The following SWAP70 variants were observed in gnomAD, a reference collection of about 807,000 sequenced individuals.
SWAP70 encodes switch-associated protein 70.
A neutral mutation model predicts 80.2 loss-of-function variants in SWAP70; 34 were observed. The observed-to-expected ratio is 0.42, with a 90% CI of 0.32 to 0.56. The LOEUF (loss-of-function observed/expected upper bound fraction) is 0.56. Ranked by LOEUF, SWAP70 falls within the 20% of genes least tolerant of loss-of-function variation. SWAP70 has a pLI of 0.09. For synonymous variants in SWAP70, 239 were observed against 238.5 expected, an observed-to-expected ratio of 1.00 and a Z score of -0.02; for missense variants, 578 against 690.7, an observed-to-expected ratio of 0.84 and a Z score of 1.83.
At chr11:9,694,083 C>T in intron 1 of SWAP70, 63 bp from the exon 2 acceptor site, 1 of 1,483,764 alleles carries the variant, frequency 6.7e-7, no homozygotes, top group Non-Finnish European at 9.0e-7. Flanking sequence ...ATGTTGTACT[C>T]ATGGTGAAGG....
intron 2 of SWAP70, among the ~76,000 whole-genome samples, chr11:9,697,659 C>T (rs1272472155): frequency 6.6e-6 from 1 of 152,188 alleles, no homozygotes; most frequent in Non-Finnish European, 1.5e-5. Context: ...CAATGTTCAT[C>T]TGTGTGATAA....
intron 1 of SWAP70, among the ~76,000 whole-genome samples, chr11:9,685,809 T>G (rs1850624228): frequency 6.6e-6 from 1 of 152,046 alleles, no homozygotes; most frequent in Admixed American, 6.5e-5. Context: ...AATTTTTGTA[T>G]TTTTAGTAGA....
intron 9 of SWAP70, 139 bp from the exon 10 acceptor site, chr11:9,747,719 C>T (rs1851529881): frequency 1.3e-6 from 1 of 788,472 alleles, no homozygotes; most frequent in Non-Finnish European, 2.1e-6. Context: ...GCTTCTCTGG[C>T]TCCTGCTTTC....
rs144742456 is a variant in SWAP70, at chr11:9,673,717, A to G, written c.99+9439A>G. 1.2e-3 allele frequency among the ~76,000 whole-genome samples: 177 copies of G among 152,292 alleles called. 4 individuals carry two copies. The East Asian group carries it at 0.028, about 24-fold the overall frequency. ...TGAAGGTCTTGTGGCCTTCAATTAG[A>G]CAAGGAAGGTCAGAGAATTTCTTTA... On this transcript the variant is annotated intron_variant, in intron 1 of 11. Transcript: ENST00000318950.
chr11:9,711,973 G>T (rs1407552870), intron 2 of SWAP70, among the ~76,000 whole-genome samples: 1 of 152,070 alleles, frequency 6.6e-6, no homozygotes, highest in Non-Finnish European at 1.5e-5. Flanking sequence ...CCTCCACTTC[G>T]GGGCTTTCTC....
At chr11:9,730,602 G>C (rs1020473418) in intron 6 of SWAP70, among the ~76,000 whole-genome samples, 1 of 152,134 alleles carries the variant, frequency 6.6e-6, no homozygotes, top group African/African-American at 2.4e-5. Flanking sequence ...TTTAAGGACT[G>C]TGAAGAATTT....
Position 9,724,902 on chromosome 11 carries a change from TG to T in SWAP70, c.642+18del. 6.8e-7 allele frequency: 1 copy of T among 1,481,118 alleles called. No individual in the cohort carries two copies. The allele number at this position is 1,481,118 out of a possible 1,614,324, so 91.7% of individuals were successfully genotyped here. On this transcript the variant is annotated intron_variant, in intron 4 of 11. Transcript: ENST00000318950. ...TTAAAGCAGGTAAGAATTCTGTTAC[TG>T]TTTTTTTTTCTCATCTTTAGAATTT...
At chr11:9,703,449 G>A in intron 2 of SWAP70, 1 of 456,194 alleles carries the variant, frequency 2.2e-6, no homozygotes, top group Non-Finnish European at 4.4e-6. Flanking sequence ...TTCCTGTGCT[G>A]TAAGGCCAAC....
chr11:9,721,427 TC>T lies in SWAP70; in HGVS notation c.415-3230del, dbSNP rs1466630199. On this transcript the variant is annotated intron_variant, in intron 3 of 11. Coordinates refer to ENST00000318950, the MANE Select transcript of SWAP70 (RefSeq NM_015055.4). ...TCCTAAAAGAGCTTATAGCATCTCATCAAATTAAATCAATAGACCTTTTAAT... is the reference window on the plus strand; with the variant it reads ...TCCTAAAAGAGCTTATAGCATCTCATAAATTAAATCAATAGACCTTTTAAT... Among the ~76,000 whole-genome samples, 19 of 151,918 alleles carry T rather than the reference TC, an allele frequency of 1.3e-4. No homozygotes were observed. In the Middle Eastern group the frequency reaches 0.01, roughly 82 times the overall value.
chr11:9,711,903 C>T (rs1486662028), intron 2 of SWAP70, among the ~76,000 whole-genome samples: 1 of 152,198 alleles, frequency 6.6e-6, no homozygotes, highest in African/African-American at 2.4e-5. Flanking sequence ...TACCACCCTC[C>T]AGCACCAGGT....
At chr11:9,713,260 A>G (rs972685662) in intron 2 of SWAP70, among the ~76,000 whole-genome samples, 2 of 152,206 alleles carry the variant, frequency 1.3e-5, no homozygotes, top group African/African-American at 4.8e-5. Context: ...ATATGGACAG[A>G]TGTTGGTTCA....
intron 2 of SWAP70, among the ~76,000 whole-genome samples, chr11:9,696,944 G>A (rs997360469): frequency 5.9e-5 from 9 of 152,076 alleles, no homozygotes; most frequent in Non-Finnish European, 1.3e-4. Flanking sequence ...GGGCATGGTG[G>A]CTTATATCTG....
At chr11:9,680,650 A>C (rs1427626045) in intron 1 of SWAP70, among the ~76,000 whole-genome samples, 1 of 152,126 alleles carries the variant, frequency 6.6e-6, no homozygotes, top group East Asian at 1.9e-4. Context: ...TCCTGACCTC[A>C]GGTGATCCAC....
intron 7 of SWAP70, among the ~76,000 whole-genome samples, chr11:9,733,416 T>G (rs1851325247): frequency 6.6e-6 from 1 of 152,158 alleles, no homozygotes; most frequent in Non-Finnish European, 1.5e-5. Context: ...CTCTGGGATA[T>G]GGGGGTGGCT....
chr11:9,731,079 C>T (rs1851292514), intron 6 of SWAP70, among the ~76,000 whole-genome samples: 1 of 152,182 alleles, frequency 6.6e-6, no homozygotes, highest in African/African-American at 2.4e-5. Context: ...TGGCCTCTAG[C>T]TGCATCCATG....
chr11:9,738,349 C>T, intron 8 of SWAP70, 29 bp downstream of exon 8: 1 of 1,533,854 alleles, frequency 6.5e-7, no homozygotes, highest in African/African-American at 1.4e-5. Context: ...GAGAAAGCAG[C>T]TGCAGTAGCT....
At chr11:9,710,819 A>G (rs533310573) in intron 2 of SWAP70, among the ~76,000 whole-genome samples, 8 of 151,852 alleles carry the variant, frequency 5.3e-5, no homozygotes, top group African/African-American at 1.9e-4. Flanking sequence ...AGCTGGGACC[A>G]CAGGCATGCA....
chr11:9,738,165 TTCTAC>T lies in SWAP70; in HGVS notation c.1081-43_1081-39del, dbSNP rs780287131. ...GACTGTCTCTCTCTCTTTAATGTACTTCTACTCTAACACCTGCTTTTCTGTGGATG... is the reference window on the plus strand; with the variant it reads ...GACTGTCTCTCTCTCTTTAATGTACTTCTAACACCTGCTTTTCTGTGGATG... On this transcript the variant is annotated intron_variant, in intron 7 of 11. Coordinates refer to ENST00000318950, the MANE Select transcript of SWAP70 (RefSeq NM_015055.4). 3 of 1,385,952 alleles carry T rather than the reference TTCTAC, an allele frequency of 2.2e-6. No individual in the cohort carries two copies. In the Admixed American group the frequency reaches 6.2e-5, roughly 29 times the overall value. 85.9% of individuals were successfully genotyped at this position (1,385,952 alleles called of 1,614,324 possible).
At chr11:9,731,252 G>A (rs558046658) in intron 6 of SWAP70, among the ~76,000 whole-genome samples, 13 of 152,192 alleles carry the variant, frequency 8.5e-5, no homozygotes, top group African/African-American at 1.4e-4. Context: ...ATTCTTAGAC[G>A]TAGATAAAAT....
Sources: gnomAD v4.1 joint callset for allele counts (sites outside exome capture counted in the v4.1 genomes callset) on GRCh38, gnomAD v4.1.1 for gene constraint, MANE v1.5 for transcripts, NCBI Gene and HGNC (gene_info 2026-07-23, HGNC 2026-07-21) for gene names.